The following WDR70 variants were observed in gnomAD, a reference collection of about 807,000 sequenced individuals.
WDR70 encodes the protein WD repeat-containing protein 70.
In WDR70, 53 loss-of-function variants were observed where a neutral mutation model predicts 88.6. The observed-to-expected ratio is 0.60, with a 90% CI of 0.48 to 0.75. The LOEUF is 0.75. WDR70 is among the 30% of genes least tolerant of loss of function. WDR70 has a pLI of 0.00. For synonymous variants in WDR70, 280 were observed against 270.0 expected (o/e 1.04, Z -0.36); for missense variants, 610 against 823.2 (o/e 0.74, Z 3.17).
intron 16 of WDR70, among the ~76,000 whole-genome samples, chr5:37,725,404 C>T (rs1716915298): frequency 6.6e-6 from 1 of 152,016 alleles, no homozygotes; most frequent in Admixed American, 6.6e-5. Flanking sequence ...ATGTACAACA[C>T]TGGGCACTTT....
chr5:37,493,195 C>G (rs1740118247), intron 8 of WDR70, among the ~76,000 whole-genome samples: 1 of 152,140 alleles, frequency 6.6e-6, no homozygotes, highest in Non-Finnish European at 1.5e-5. Context: ...AGGACACCCC[C>G]AGTTTATTAC....
intron 5 of WDR70, among the ~76,000 whole-genome samples, chr5:37,434,161 C>T (rs572769024): frequency 3.5e-4 from 54 of 152,154 alleles, no homozygotes; most frequent in African/African-American, 1.0e-3. Context: ...AGACAGAGTG[C>T]GACATGCAAG....
chr5:37,628,207 G>A (rs1744719578), intron 10 of WDR70, among the ~76,000 whole-genome samples: 1 of 152,160 alleles, frequency 6.6e-6, no homozygotes, highest in Non-Finnish European at 1.5e-5. Flanking sequence ...ACAGGCATAA[G>A]CCTCCATTTC....
At chr5:37,651,004 G>A (rs1027400912) in intron 10 of WDR70, among the ~76,000 whole-genome samples, 9 of 148,678 alleles carry the variant, frequency 6.1e-5, no homozygotes, top group Non-Finnish European at 1.0e-4. Context: ...GGATACATGT[G>A]CAGAATGTGC....
intron 17 of WDR70, among the ~76,000 whole-genome samples, chr5:37,734,863 A>T (rs1748255026): frequency 6.6e-6 from 1 of 152,156 alleles, no homozygotes; most frequent in Non-Finnish European, 1.5e-5. Flanking sequence ...TTATATTACT[A>T]GATTTCCTAA....
chr5:37,538,189 G>A (rs1375169590), intron 9 of WDR70, among the ~76,000 whole-genome samples: 1 of 152,098 alleles, frequency 6.6e-6, no homozygotes, highest in East Asian at 1.9e-4. Flanking sequence ...ATTCATAATG[G>A]TAGTATCTTC....
At chr5:37,654,966 T>C (rs1435007478) in intron 10 of WDR70, among the ~76,000 whole-genome samples, 1 of 152,244 alleles carries the variant, frequency 6.6e-6, no homozygotes, top group African/African-American at 2.4e-5. Context: ...AATATTGTTA[T>C]GTGTGAATTT....
At chr5:37,682,083 A>G (rs539264187) in intron 10 of WDR70, among the ~76,000 whole-genome samples, 5 of 152,088 alleles carry the variant, frequency 3.3e-5, no homozygotes, top group Admixed American at 2.0e-4. Context: ...CTGGTAGGCT[A>G]TTTATTACTG....
At chr5:37,735,392 A>G (rs149322266) in intron 17 of WDR70, among the ~76,000 whole-genome samples, 29 of 152,262 alleles carry the variant, frequency 1.9e-4, no homozygotes, top group East Asian at 1.7e-3. Context: ...CTCACTTTAC[A>G]TGTGAGGAGG....
chr5:37,698,322 G>T (rs1263229468), intron 11 of WDR70, among the ~76,000 whole-genome samples: 1 of 152,158 alleles, frequency 6.6e-6, no homozygotes, highest in Non-Finnish European at 1.5e-5. Flanking sequence ...TAGATAGGTT[G>T]TGTATTGGTA....
intron 9 of WDR70, 129 bp from the exon 10 acceptor site, chr5:37,604,935 A>C: frequency 1.3e-6 from 1 of 795,328 alleles, no homozygotes; most frequent in Non-Finnish European, 1.9e-6. Flanking sequence ...GTCTTATTTT[A>C]TTTTAAAATA....
chr5:37,743,295 G>T (rs1455724573), intron 17 of WDR70, among the ~76,000 whole-genome samples: 1 of 152,248 alleles, frequency 6.6e-6, no homozygotes. Context: ...GCAACCCACG[G>T]ATCAGAAGAT....
At chr5:37,503,809 A>G (rs865919722) in intron 8 of WDR70, among the ~76,000 whole-genome samples, 2 of 151,318 alleles carry the variant, frequency 1.3e-5, no homozygotes, top group Admixed American at 6.6e-5. Flanking sequence ...ACTGCTTGCT[A>G]TTGGTTTGTT....
At chr5:37,619,740 G>GT (rs576794251) in intron 10 of WDR70, among the ~76,000 whole-genome samples, 114 of 146,404 alleles carry the variant, frequency 7.8e-4, no homozygotes, top group African/African-American at 1.6e-3. Context: ...TCCCTGTTTG[G>GT]TTTTTTTTTT....
At chr5:37,671,659 A>AT (rs1324253429) in intron 10 of WDR70, among the ~76,000 whole-genome samples, 6 of 152,134 alleles carry the variant, frequency 3.9e-5, no homozygotes, top group Non-Finnish European at 2.9e-5. Context: ...TATGAGAGGC[A>AT]TTTTGACCAT....
intron 3 of WDR70, among the ~76,000 whole-genome samples, chr5:37,382,803 A>G (rs1748471970): frequency 6.6e-6 from 1 of 151,394 alleles, no homozygotes; most frequent in African/African-American, 2.4e-5. Context: ...ACGTAAGGTC[A>G]GGAGTTCGTG....
At chr5:37,395,829 G>T (rs766887620) in intron 4 of WDR70, among the ~76,000 whole-genome samples, 1 of 152,010 alleles carries the variant, frequency 6.6e-6, no homozygotes, top group Non-Finnish European at 1.5e-5. Flanking sequence ...TTGAGACAGG[G>T]TCTCACTGTT....
chr5:37,460,728 AC>A lies in WDR70; in HGVS notation c.686+17357del, dbSNP rs200355772. 5.6e-3 allele frequency among the ~76,000 whole-genome samples: 823 copies of A among 147,982 alleles called. 5 individuals are homozygous for A. Among genetic ancestry groups the A allele is most frequent in the Middle Eastern group, 0.01 (3 of 294 alleles). ...TAAAAATAAAAAATAAAAAATAAAA[AC>A]AAAAAGAAAACAGCAGGTTGAGTTG... is the stretch of plus-strand genomic sequence containing the variant. On this transcript the variant is annotated intron_variant, in intron 7 of 17. Transcript: ENST00000265107.
chr5:37,401,316 ATTT>A (rs34313185), intron 5 of WDR70, among the ~76,000 whole-genome samples: 1 of 126,966 alleles, frequency 7.9e-6, no homozygotes, highest in Non-Finnish European at 1.7e-5. Flanking sequence ...CCAAAGATTA[ATTT>A]TTTTTTTTTT....
Sources: allele counts gnomAD v4.1 joint callset (sites outside exome capture counted in the v4.1 genomes callset), GRCh38; gene constraint gnomAD v4.1.1; transcripts MANE v1.5; gene names NCBI Gene and HGNC (gene_info 2026-07-23, HGNC 2026-07-21).